Variants in XRRA1 observed in about 807,000 individuals in gnomAD.
XRRA1 encodes X-ray radiation resistance-associated protein 1.
XRRA1 carries 69 observed loss-of-function variants against 80.2 expected under a neutral mutation model. The observed-to-expected ratio is 0.86, with a 90% CI of 0.71 to 1.05. The LOEUF is 1.05. Among genes scored for constraint, XRRA1 ranks in the 50% least tolerant of loss-of-function variants. XRRA1 has a pLI of 0.00. For missense variants in XRRA1, 967 were observed against 976.4 expected (o/e 0.99, Z 0.13); for synonymous variants, 348 against 389.9 (o/e 0.89, Z 1.27).
intron 4 of XRRA1, among the ~76,000 whole-genome samples, chr11:74,936,334 C>A (rs1412950362): frequency 6.6e-6 from 1 of 152,232 alleles, no homozygotes; most frequent in Non-Finnish European, 1.5e-5. Flanking sequence ...CAGCCAGACA[C>A]TAAAGTCAAA....
intron 12 of XRRA1, among the ~76,000 whole-genome samples, chr11:74,857,953 G>A (rs2041499285): frequency 6.6e-6 from 1 of 152,206 alleles, no homozygotes; most frequent in South Asian, 2.1e-4. Flanking sequence ...CTCAGCTAAA[G>A]CAGTGCTTGG....
At chr11:74,917,576 G>A (rs1258085760) in intron 8 of XRRA1, among the ~76,000 whole-genome samples, 2 of 152,146 alleles carry the variant, frequency 1.3e-5, no homozygotes, top group Non-Finnish European at 2.9e-5. Flanking sequence ...ATACCAATTA[G>A]ATATAGTTAG....
At chr11:74,941,106 C>T (rs1946248348) in intron 2 of XRRA1, among the ~76,000 whole-genome samples, 1 of 152,132 alleles carries the variant, frequency 6.6e-6, no homozygotes, top group African/African-American at 2.4e-5. Context: ...AATCCTAACC[C>T]AATGGAACCC....
At chr11:74,921,595 A>T (rs1436091302) in intron 7 of XRRA1, among the ~76,000 whole-genome samples, 1 of 152,190 alleles carries the variant, frequency 6.6e-6, no homozygotes, top group Non-Finnish European at 1.5e-5. Flanking sequence ...TGTTTGCCTC[A>T]TCCACCTATA....
At chr11:74,856,675 A>G (rs977844510) in intron 12 of XRRA1, among the ~76,000 whole-genome samples, 1 of 152,268 alleles carries the variant, frequency 6.6e-6, no homozygotes, top group African/African-American at 2.4e-5. Context: ...CAGGGAGTTC[A>G]CACTCACTAG....
chr11:74,940,935 G>A, intron 2 of XRRA1, 53 bp from the exon 3 acceptor site: 1 of 1,378,142 alleles, frequency 7.3e-7, no homozygotes, highest in Non-Finnish European at 1.0e-6. Flanking sequence ...AGGCACAGCA[G>A]AGCACTCTTA....
chr11:74,885,527 T>C (rs1348446578), intron 10 of XRRA1, among the ~76,000 whole-genome samples: 1 of 151,872 alleles, frequency 6.6e-6, no homozygotes, highest in Non-Finnish European at 1.5e-5. Flanking sequence ...AGGAAGAAAC[T>C]GAATCCCTGA....
chr11:74,886,620 G>T (rs2049093525), intron 10 of XRRA1, among the ~76,000 whole-genome samples: 1 of 151,954 alleles, frequency 6.6e-6, no homozygotes, highest in African/African-American at 2.4e-5. Flanking sequence ...AATCAATACT[G>T]TTAAACTGGC....
At chr11:74,934,599 A>G (rs1944473176) in intron 4 of XRRA1, among the ~76,000 whole-genome samples, 1 of 152,222 alleles carries the variant, frequency 6.6e-6, no homozygotes, top group Non-Finnish European at 1.5e-5. Flanking sequence ...TGAGGAAGTA[A>G]TATTTCAGAA....
intron 3 of XRRA1, among the ~76,000 whole-genome samples, chr11:74,938,219 A>G (rs935172637): frequency 3.9e-5 from 6 of 152,180 alleles, no homozygotes; most frequent in African/African-American, 2.4e-5. Context: ...ACTGCTGACA[A>G]TCCTGCTTCT....
At chr11:74,897,566 C>A (rs1311902148) in intron 10 of XRRA1, among the ~76,000 whole-genome samples, 1 of 151,894 alleles carries the variant, frequency 6.6e-6, no homozygotes, top group Non-Finnish European at 1.5e-5. Flanking sequence ...GGCATTTAAT[C>A]AAATTCCCAA....
At chr11:74,873,308 G>A (rs1268155770) in intron 10 of XRRA1, among the ~76,000 whole-genome samples, 1 of 152,152 alleles carries the variant, frequency 6.6e-6, no homozygotes, top group Non-Finnish European at 1.5e-5. Context: ...AATGGAGAAT[G>A]GAGACTAGAT....
intron 10 of XRRA1, among the ~76,000 whole-genome samples, chr11:74,898,985 C>T (rs1208853071): frequency 1.3e-5 from 2 of 152,120 alleles, no homozygotes; most frequent in Non-Finnish European, 2.9e-5. Context: ...GGATCATTTT[C>T]AAGTATAGAC....
Position 74,843,868 on chromosome 11 carries a change from G to C in XRRA1, c.2135C>G (p.Thr712Arg). 3.7e-6 allele frequency: 6 copies of C among 1,610,636 alleles called. No homozygotes were observed. Among genetic ancestry groups the C allele is most frequent in the African/African-American group, 1.3e-5 (1 of 74,996 alleles). Residue 712 changes from threonine (T) to arginine (R), a missense_variant, in exon 18 of 19, where the codon ACA becomes AGA. By Grantham distance (71) the Thr-to-Arg change is moderately conservative (BLOSUM62 -1). Transcript: ENST00000684022. ...FIRLRDPRNITEAPLGAVLHQ... is the reference protein window; with the variant it reads ...FIRLRDPRNIREAPLGAVLHQ... ...CAGAGCCGTACCTAGTGGAGCCTCT[G>C]TAATGTTCCGGGGATCCCGCAAGCG...
At chr11:74,850,477 A>G (rs1179349772) in intron 14 of XRRA1, among the ~76,000 whole-genome samples, 2 of 152,154 alleles carry the variant, frequency 1.3e-5, no homozygotes, top group African/African-American at 4.8e-5. Context: ...GCAAGGAAAC[A>G]TCTGTATTTA....
At chr11:74,894,200 A>G (rs1482334587) in intron 10 of XRRA1, among the ~76,000 whole-genome samples, 1 of 152,198 alleles carries the variant, frequency 6.6e-6, no homozygotes, top group African/African-American at 2.4e-5. Flanking sequence ...TGTAAGTGGG[A>G]GCTAAACATC....
At chr11:74,863,091 A>G in intron 10 of XRRA1, 70 bp from the exon 11 acceptor site, 1 of 1,429,434 alleles carries the variant, frequency 7.0e-7, no homozygotes, top group Non-Finnish European at 9.7e-7. Context: ...CCCAGGATAT[A>G]GGTCTGCCAT....
rs928866464 is a variant in XRRA1, at chr11:74,880,812, C to T, written c.1004-17791G>A. Among the ~76,000 whole-genome samples, 1,321 of 151,668 alleles carry T rather than the reference C, an allele frequency of 8.7e-3. 30 individuals are homozygous for T. Among genetic ancestry groups the T allele is most frequent in the African/African-American group, 0.031 (1,264 of 41,440 alleles). On this transcript the variant is annotated intron_variant, in intron 10 of 18. Transcript: ENST00000684022. The stretch of plus-strand genomic sequence containing the variant: ...AATCCTGAGTTCCAGTTTGATTGCA[C>T]TGTGGTCTGAGAGATAGTTTGTTAT...
At chr11:74,881,715 T>C (rs2047638672) in intron 10 of XRRA1, among the ~76,000 whole-genome samples, 1 of 152,242 alleles carries the variant, frequency 6.6e-6, no homozygotes, top group South Asian at 2.1e-4. Flanking sequence ...GGTGACAAAA[T>C]CTCTCAGCAT....
Sources: gnomAD v4.1 joint callset for allele counts (sites outside exome capture counted in the v4.1 genomes callset) on GRCh38, gnomAD v4.1.1 for gene constraint, MANE v1.5 for transcripts, NCBI Gene and HGNC (gene_info 2026-07-23, HGNC 2026-07-21) for gene names.